COL28A1: variants seen among roughly 807,000 people sequenced by gnomAD.
The protein encoded by COL28A1 is collagen type XXVIII alpha 1 chain, also known as collagen alpha-1(XXVIII) chain.
COL28A1 carries 161 observed loss-of-function variants against 150.2 expected under a neutral mutation model. That is an observed-to-expected ratio of 1.07 (90% CI 0.94 to 1.22). The LOEUF (loss-of-function observed/expected upper bound fraction) is 1.22, where lower values mean the gene tolerates loss of function less well. Among genes scored for constraint, COL28A1 ranks in the 50% most tolerant of loss-of-function variants. The pLI, the probability that COL28A1 is intolerant of heterozygous loss-of-function variation, is 0.00. For missense variants in COL28A1, 1,617 were observed against 1,388.3 expected (o/e 1.16, Z -2.62); for synonymous variants, 552 against 469.7 (o/e 1.18, Z -2.26).
chr7:7,384,137 T>A lies in COL28A1; in HGVS notation c.2137-2525A>T, dbSNP rs930769211. On this transcript the variant is annotated intron_variant, in intron 27 of 34. Transcript: ENST00000399429. ...ACACCAGAGGACTTAAAATAAGTTC[T>A]TTACAGGGGTGAGATTACAGAGAAC... Among the ~76,000 whole-genome samples the A allele has an allele frequency of 5.3e-5, 8 of 152,300 alleles. 1 individual carries two copies. The highest frequency in any genetic ancestry group is 1.9e-4 in the African/African-American group (8 of 41,548).
chr7:7,376,585 A>C lies in COL28A1; in HGVS notation c.2323-1088T>G, dbSNP rs930632112. ...GGCCTTGTCATGCTTTTCCGCATTT[A>C]AAAAGGCATTTAAAAAAATCCGAAA... is the stretch of plus-strand genomic sequence containing the variant. On this transcript the variant is annotated intron_variant, in intron 30 of 34. Transcript: ENST00000399429. 5.9e-5 allele frequency among the ~76,000 whole-genome samples: 9 copies of C among 152,124 alleles called. 1 individual carries two copies. The highest frequency in any genetic ancestry group is 2.2e-4 in the African/African-American group (9 of 41,444).
At chr7:7,517,030 G>C (rs1357085450) in intron 7 of COL28A1, among the ~76,000 whole-genome samples, 3 of 152,226 alleles carry the variant, frequency 2.0e-5, no homozygotes, top group Non-Finnish European at 4.4e-5. Context: ...CTTTATCTTA[G>C]TTTTATTTTT....
downstream of COL28A1, among the ~76,000 whole-genome samples, chr7:7,352,965 T>C (rs1780264894): frequency 6.6e-6 from 1 of 152,126 alleles, no homozygotes; most frequent in African/African-American, 2.4e-5. Flanking sequence ...CTCCCCAAAT[T>C]CTTATGCAAA....
chr7:7,348,271 T>C, the COL28A1 span, among the ~76,000 whole-genome samples: 1 of 152,004 alleles, frequency 6.6e-6, no homozygotes, highest in Non-Finnish European at 1.5e-5. Flanking sequence ...ATGAGTTACG[T>C]AGTGTAAGGG....
Position 7,502,899 on chromosome 7 carries a change from G to A in COL28A1, c.1026+3115C>T, listed in dbSNP as rs866696717. Among the ~76,000 whole-genome samples, 2 of 49,376 alleles carry A rather than the reference G, an allele frequency of 4.1e-5. 1 individual carries two copies. Among genetic ancestry groups the A allele is most frequent in the Non-Finnish European group, 6.7e-5 (2 of 29,960 alleles). The allele number at this position is 49,376 out of a possible 152,430, so 32.4% of individuals were successfully genotyped here. A position where few individuals can be genotyped will look rare whatever the true frequency, so the allele number is the denominator to read the frequency against. ...TTTTTAGTAGAGACGGGGTTTCACCGTGTTAGCCAGGATGGTCTCGATCTC... is the reference window on the plus strand; with the variant it reads ...TTTTTAGTAGAGACGGGGTTTCACCATGTTAGCCAGGATGGTCTCGATCTC... On this transcript the variant is annotated intron_variant, in intron 11 of 34. Coordinates refer to ENST00000399429, the MANE Select transcript of COL28A1 (RefSeq NM_001037763.3).
At chr7:7,401,665 C>T (rs181970397) in intron 27 of COL28A1, among the ~76,000 whole-genome samples, 25 of 152,216 alleles carry the variant, frequency 1.6e-4, no homozygotes, top group African/African-American at 5.3e-4. Context: ...CCATCACCAC[C>T]CTGCCCACAC....
At chr7:7,537,911 C>T (rs906411737), upstream of COL28A1, among the ~76,000 whole-genome samples, 13 of 152,276 alleles carry the variant, frequency 8.5e-5, no homozygotes, top group African/African-American at 2.9e-4. Context: ...AGGTTAAAAA[C>T]ATGCAGAATA....
At chr7:7,390,724 G>A (rs1782490236) in intron 27 of COL28A1, among the ~76,000 whole-genome samples, 1 of 152,202 alleles carries the variant, frequency 6.6e-6, no homozygotes, top group South Asian at 2.1e-4. Flanking sequence ...GCTTGGAAGT[G>A]TGTATGTGTC....
chr7:7,392,400 C>A (rs1273844716), intron 27 of COL28A1, among the ~76,000 whole-genome samples: 1 of 152,164 alleles, frequency 6.6e-6, no homozygotes, highest in Non-Finnish European at 1.5e-5. Flanking sequence ...TCTGGCTGCC[C>A]TTAACATTTT....
intron 27 of COL28A1, among the ~76,000 whole-genome samples, chr7:7,401,740 C>T (rs1783218164): frequency 6.6e-6 from 1 of 152,096 alleles, no homozygotes. Context: ...CCCCTTATAG[C>T]CCATTTGTCA....
rs201450048 is a variant in COL28A1, at chr7:7,417,886, G to A, written c.2109C>T (p.Pro703=). The change falls in exon 27 of 35, where the codon CCC becomes CCT. Residue 703 remains proline, a synonymous_variant. Transcript: ENST00000399429. ...GQKGLPGPPG[P]PGYGSQGIKG... is the part of the protein sequence containing the mutation. ...TAATTCCCTGTGATCCATAGCCAGG[G>A]GGGCCAGGAGGGCCAGGCAAGCCTT... 3.1e-6 allele frequency: 5 copies of A among 1,613,396 alleles called. No individual in the cohort carries two copies. Among genetic ancestry groups the A allele is most frequent in the Admixed American group, 3.3e-5 (2 of 59,932 alleles).
intron 13 of COL28A1, among the ~76,000 whole-genome samples, chr7:7,477,486 G>A (rs938973303): frequency 1.3e-5 from 2 of 152,190 alleles, no homozygotes; most frequent in Non-Finnish European, 2.9e-5. Flanking sequence ...ATTGTGTCTG[G>A]AATTGGTGGG....
At chr7:7,524,870 G>C (rs1238709625) in intron 3 of COL28A1, among the ~76,000 whole-genome samples, 1 of 152,010 alleles carries the variant, frequency 6.6e-6, no homozygotes, top group Non-Finnish European at 1.5e-5. Flanking sequence ...TTTCAAATTT[G>C]AAAAGCCTCC....
chr7:7,422,412 C>T (rs867678740), intron 25 of COL28A1, among the ~76,000 whole-genome samples: 2 of 152,026 alleles, frequency 1.3e-5, no homozygotes, highest in African/African-American at 4.8e-5. Flanking sequence ...GGGTGGATCA[C>T]ATGGTCAGGA....
intron 31 of COL28A1, among the ~76,000 whole-genome samples, chr7:7,374,814 T>C (rs148407513): frequency 6.6e-6 from 1 of 152,162 alleles, no homozygotes; most frequent in African/African-American, 2.4e-5. Context: ...TCTGGGATTC[T>C]CTGTATAGAA....
intron 25 of COL28A1, among the ~76,000 whole-genome samples, chr7:7,427,040 T>C (rs1194659410): frequency 6.6e-6 from 1 of 152,190 alleles, no homozygotes; most frequent in East Asian, 1.9e-4. Flanking sequence ...ATTTACCATG[T>C]GTCTCCAGGG....
intron 11 of COL28A1, among the ~76,000 whole-genome samples, chr7:7,498,940 C>T (rs944570859): frequency 2.6e-4 from 39 of 152,078 alleles, no homozygotes; most frequent in African/African-American, 8.5e-4. Context: ...AGTATATATA[C>T]CCCATCTGCT....
rs536872412 is a variant in COL28A1 at position 7,474,673 on chromosome 7, A to G, written c.1234-4T>C. 122 of 1,306,096 alleles carry G rather than the reference A, an allele frequency of 9.3e-5. 4 individuals carry two copies. In the South Asian group the frequency reaches 1.4e-3, roughly 15 times the overall value. 80.9% of individuals were successfully genotyped at this position (1,306,096 alleles called of 1,614,324 possible). ...GTCCTTCAGAACCTTTTTCACCCTG[A>G]AAGTACAAGGGAGGGATATCAATGC... is the stretch of plus-strand genomic sequence containing the variant. On this transcript the variant is annotated splice_region_variant and splice_polypyrimidine_tract_variant and intron_variant, in intron 14 of 34. Transcript: ENST00000399429.
At chr7:7,451,401 T>G (rs1054168305) in intron 18 of COL28A1, among the ~76,000 whole-genome samples, 1 of 152,042 alleles carries the variant, frequency 6.6e-6, no homozygotes, top group East Asian at 1.9e-4. Flanking sequence ...AATTTTTGTA[T>G]TTTTAGTAGA....
Sources: gnomAD v4.1 joint callset for allele counts (sites outside exome capture counted in the v4.1 genomes callset) on GRCh38, gnomAD v4.1.1 for gene constraint, MANE v1.5 for transcripts, NCBI Gene and HGNC (gene_info 2026-07-23, HGNC 2026-07-21) for gene names.